The following TNFRSF11A variants were observed in gnomAD, a reference collection of about 807,000 sequenced individuals.
TNFRSF11A encodes the protein TNF receptor superfamily member 11a.
In TNFRSF11A, 32 loss-of-function variants were observed where a neutral mutation model predicts 55.7. The ratio of observed to expected loss-of-function variants is 0.57; its 90% CI spans 0.43 to 0.77. TNFRSF11A has a LOEUF of 0.77. Ranked by LOEUF, TNFRSF11A falls within the 30% of genes least tolerant of loss-of-function variation. The pLI is 0.00. For missense variants in TNFRSF11A, 753 were observed against 809.8 expected (o/e 0.93, Z 0.85); for synonymous variants, 311 against 331.0 (o/e 0.94, Z 0.65).
intron 3 of TNFRSF11A, among the ~76,000 whole-genome samples, chr18:62,350,143 T>G (rs972063451): frequency 6.6e-6 from 1 of 152,240 alleles, no homozygotes. Context: ...CTGGAATATA[T>G]TTATGTTGCC....
chr18:62,334,158 G>A (rs1461703615), intron 1 of TNFRSF11A, among the ~76,000 whole-genome samples: 5 of 152,096 alleles, frequency 3.3e-5, no homozygotes, highest in Admixed American at 1.3e-4. Context: ...GAGCCACCGC[G>A]CCTGGCCTCT....
chr18:62,373,229 G>T (rs1170534288), intron 9 of TNFRSF11A, among the ~76,000 whole-genome samples: 1 of 152,184 alleles, frequency 6.6e-6, no homozygotes, highest in African/African-American at 2.4e-5. Context: ...AGGCTGAGGT[G>T]GGCGGATCAC....
chr18:62,386,540 C>T lies in TNFRSF11A; in HGVS notation c.*1506C>T, dbSNP rs1911750727. 1 of 152,162 alleles carries T rather than the reference C, an allele frequency of 6.6e-6. No homozygotes were observed. Among genetic ancestry groups the T allele is most frequent in the Non-Finnish European group, 1.5e-5 (1 of 68,028 alleles). The allele number at this position is 152,162 out of a possible 1,614,324, so 9.4% of individuals were successfully genotyped here. A position where few individuals can be genotyped will look rare whatever the true frequency, so the allele number is the denominator to read the frequency against. On this transcript the variant is annotated 3_prime_UTR_variant, in exon 10 of 10. Transcript: ENST00000586569. Reference sequence around the variant, plus strand: ...CTGGGTGGTTTTATCTTTTGTTACCCAGTGAGCACTGGTTCCCCGCAAATA... The same window carrying T: ...CTGGGTGGTTTTATCTTTTGTTACCTAGTGAGCACTGGTTCCCCGCAAATA...
intron 3 of TNFRSF11A, among the ~76,000 whole-genome samples, chr18:62,353,076 T>C (rs2046497120): frequency 6.6e-6 from 1 of 152,204 alleles, no homozygotes; most frequent in South Asian, 2.1e-4. Flanking sequence ...TGCAGTTGAC[T>C]GTGGTTATGC....
In TNFRSF11A at chr18:62,387,245, A is replaced by T. The variant is rs926292239; in HGVS notation, c.*2211A>T. The T allele has an allele frequency of 2.0e-5, 3 of 152,202 alleles. No individual in the cohort carries two copies. The highest frequency in any genetic ancestry group is 7.2e-5 in the African/African-American group (3 of 41,448). 9.4% of individuals were successfully genotyped at this position (152,202 alleles called of 1,614,324 possible). The stretch of plus-strand genomic sequence containing the variant: ...TCCTGCACTGATCCCTACTAATTCT[A>T]TATTGATCCAAAGGCAACTCAATGC... On this transcript the variant is annotated 3_prime_UTR_variant, in exon 10 of 10. Transcript: ENST00000586569.
Position 62,366,741 on chromosome 18 carries a change from G to GC in TNFRSF11A, c.766dup (p.Arg256ProfsTer6). ...TGGCACTGGATCAATGAGGCTTGTG[G>GC]CCGCCTAAGTGGAGATAAGGTAGAG... On this transcript the variant is annotated frameshift_variant, in exon 8 of 10. Transcript: ENST00000586569. LOFTEE classifies it high-confidence loss of function. 1 of 1,614,222 alleles carries GC rather than the reference G, an allele frequency of 6.2e-7. No individual in the cohort carries two copies.
At chr18:62,381,381 A>G (rs1232907185) in intron 9 of TNFRSF11A, among the ~76,000 whole-genome samples, 1 of 152,242 alleles carries the variant, frequency 6.6e-6, no homozygotes, top group Admixed American at 6.5e-5. Flanking sequence ...AGTAAACAAC[A>G]ATGGATTCAT....
At chr18:62,372,022 T>C (rs529997634) in intron 9 of TNFRSF11A, among the ~76,000 whole-genome samples, 1 of 152,186 alleles carries the variant, frequency 6.6e-6, no homozygotes, top group South Asian at 2.1e-4. Flanking sequence ...GACTGGGGAC[T>C]TTTCCTTTAG....
chr18:62,374,737 A>G (rs966808649), intron 9 of TNFRSF11A, among the ~76,000 whole-genome samples: 3 of 152,198 alleles, frequency 2.0e-5, no homozygotes, highest in African/African-American at 7.2e-5. Context: ...GGAGCCTGCT[A>G]TGTCAAGCAT....
rs1909092200 is a variant in TNFRSF11A at position 62,354,445 on chromosome 18, C to G, written c.338C>G (p.Ala113Gly). ...AACAGCACGACCCCCCGGCGCTGCG[C>G]GTGCACGGCTGGGTACCACTGGAGC... ...AGNSTTPRRCACTAGYHWSQD... is the reference protein window; with the variant it reads ...AGNSTTPRRCGCTAGYHWSQD... The change falls in exon 4 of 10, where the codon GCG becomes GGG. Residue 113 changes from alanine (A) to glycine (G), a missense_variant. Physicochemically the swap from Ala to Gly is moderately conservative, Grantham distance 60. Coordinates refer to ENST00000586569, the MANE Select transcript of TNFRSF11A (RefSeq NM_003839.4). 1.3e-6 allele frequency: 2 copies of G among 1,599,464 alleles called. No homozygotes were observed. The highest frequency in any genetic ancestry group is 3.3e-5 in the Admixed American group (2 of 59,840).
chr18:62,384,324 TCTC>T lies in TNFRSF11A; in HGVS notation c.1568-414_1568-412del, dbSNP rs377066152. On this transcript the variant is annotated intron_variant, in intron 9 of 9. Transcript: ENST00000586569. ...TCCCCTCCTCCTTTCCTGTTCCTCCTCTCCTCCTCCTCCTCTTCCCCTCCTTTA... is the reference window on the plus strand; with the variant it reads ...TCCCCTCCTCCTTTCCTGTTCCTCCTCTCCTCCTCCTCTTCCCCTCCTTTA... 7.3e-4 allele frequency among the ~76,000 whole-genome samples: 99 copies of T among 134,936 alleles called. 2 individuals are homozygous for T. In the East Asian group the frequency reaches 0.011, roughly 15 times the overall value. The allele number at this position is 134,936 out of a possible 152,430, so 88.5% of individuals were successfully genotyped here.
At chr18:62,364,367 G>A (rs947454123) in intron 7 of TNFRSF11A, among the ~76,000 whole-genome samples, 15 of 152,116 alleles carry the variant, frequency 9.9e-5, no homozygotes, top group Non-Finnish European at 2.1e-4. Context: ...ACCATGTAGC[G>A]GCTGCTGAAG....
Position 62,384,046 on chromosome 18 carries a change from AACACACACACACACAC to A in TNFRSF11A, c.1568-687_1568-672del, listed in dbSNP as rs58712892. On this transcript the variant is annotated intron_variant, in intron 9 of 9. Coordinates refer to ENST00000586569, the MANE Select transcript of TNFRSF11A (RefSeq NM_003839.4). ...CCTTAGCTGTGCTTGTTCTGTGTTG[AACACACACACACACAC>A]ACACACACACACACACAAATACACA... 1.1e-3 allele frequency among the ~76,000 whole-genome samples: 167 copies of A among 145,950 alleles called. 1 individual carries two copies. Among genetic ancestry groups the A allele is most frequent in the Non-Finnish European group, 2.0e-3 (133 of 65,900 alleles).
intron 1 of TNFRSF11A, among the ~76,000 whole-genome samples, chr18:62,332,181 A>T (rs1344153513): frequency 2.0e-5 from 3 of 152,208 alleles, no homozygotes; most frequent in African/African-American, 7.2e-5. Flanking sequence ...TCCTACTGGC[A>T]CCACTGTGTT....
chr18:62,326,031 T>C (rs2046069912), intron 1 of TNFRSF11A, among the ~76,000 whole-genome samples: 1 of 152,224 alleles, frequency 6.6e-6, no homozygotes, highest in South Asian at 2.1e-4. Context: ...CCGAGTGGCT[T>C]CCCGGTCCTC....
At chr18:62,362,729 A>C (rs368649056) in intron 7 of TNFRSF11A, among the ~76,000 whole-genome samples, 102 of 77,950 alleles carry the variant, frequency 1.3e-3, no homozygotes, top group African/African-American at 5.7e-3. Flanking sequence ...TTTCCTAAGA[A>C]TATCTCTTAA....
intron 1 of TNFRSF11A, among the ~76,000 whole-genome samples, chr18:62,344,227 C>T (rs1398991836): frequency 6.6e-6 from 1 of 152,222 alleles, no homozygotes; most frequent in Non-Finnish European, 1.5e-5. Context: ...AATTTTGTCT[C>T]ATGGGACTGT....
intron 1 of TNFRSF11A, among the ~76,000 whole-genome samples, chr18:62,342,826 A>G (rs1284611230): frequency 6.6e-6 from 1 of 152,260 alleles, no homozygotes; most frequent in East Asian, 1.9e-4. Context: ...AGAAATGGAC[A>G]AGAACCAAGA....
rs184622140 is a variant in TNFRSF11A, at chr18:62,363,001, G to A, written c.730+1208G>A. Among the ~76,000 whole-genome samples, 8 of 152,074 alleles carry A rather than the reference G, an allele frequency of 5.3e-5. No individual in the cohort carries two copies. The East Asian group carries it at 5.8e-4, about 11-fold the overall frequency. ...TGGGATTACAGGCATTTGCCACCAC[G>A]CCCAGCTAATTTTTGTATTTTTAGT... On this transcript the variant is annotated intron_variant, in intron 7 of 9. Transcript: ENST00000586569.
Sources: allele counts gnomAD v4.1 joint callset (sites outside exome capture counted in the v4.1 genomes callset), GRCh38; gene constraint gnomAD v4.1.1; transcripts MANE v1.5; gene names NCBI Gene and HGNC (gene_info 2026-07-23, HGNC 2026-07-21).